The following LPCAT2 variants were observed in gnomAD, a reference collection of about 807,000 sequenced individuals.
The protein encoded by LPCAT2 is lysophosphatidylcholine acyltransferase 2.
A neutral mutation model predicts 64.7 loss-of-function variants in LPCAT2; 58 were observed. The ratio of observed to expected loss-of-function variants is 0.90; its 90% confidence interval spans 0.73 to 1.12. The LOEUF is 1.12. LPCAT2 is among the 50% of genes most tolerant of loss of function. LPCAT2 has a pLI of 0.00. For missense variants in LPCAT2, 579 were observed against 669.8 expected, an observed-to-expected ratio of 0.86 and a Z score of 1.50; for synonymous variants, 252 against 245.3, an observed-to-expected ratio of 1.03 and a Z score of -0.26.
At chr16:55,580,369 C>A (rs547046725) in intron 13 of LPCAT2, among the ~76,000 whole-genome samples, 6 of 152,098 alleles carry the variant, frequency 3.9e-5, no homozygotes, top group Non-Finnish European at 5.9e-5. Flanking sequence ...GACTATTACT[C>A]CAAACTACTA....
chr16:55,541,959 T>G, intron 8 of LPCAT2: 1 of 1,235,576 alleles, frequency 8.1e-7, no homozygotes, highest in South Asian at 1.3e-5. Context: ...ACTGCACATT[T>G]GTTAAGATTG....
chr16:55,530,284 T>C (rs1427134495), intron 4 of LPCAT2, among the ~76,000 whole-genome samples: 1 of 152,154 alleles, frequency 6.6e-6, no homozygotes, highest in Non-Finnish European at 1.5e-5. Context: ...ACCATTATAC[T>C]AAAGTATCTC....
intron 11 of LPCAT2, among the ~76,000 whole-genome samples, chr16:55,570,239 T>C (rs1963754356): frequency 6.6e-6 from 1 of 152,232 alleles, no homozygotes; most frequent in African/African-American, 2.4e-5. Flanking sequence ...AAAATTTTTA[T>C]GTGATCTTAA....
At chr16:55,535,910 T>G (rs2142386435) in intron 7 of LPCAT2, among the ~76,000 whole-genome samples, 2 of 152,264 alleles carry the variant, frequency 1.3e-5, no homozygotes, top group Middle Eastern at 6.8e-3. Context: ...ATAGACGGGT[T>G]TAGTTAATCT....
chr16:55,550,929 A>C lies in LPCAT2; in HGVS notation c.1062-20A>C. 6.4e-7 allele frequency: 1 copy of C among 1,555,416 alleles called. No individual in the cohort carries two copies. The highest frequency in any genetic ancestry group is 1.4e-5 in the African/African-American group (1 of 73,972). ...TGTAAAGGGCTAATAACATGTATCT[A>C]TAATTCTTTGTTTGTTTAGATTAGA... On this transcript the variant is annotated intron_variant, in intron 10 of 13. Transcript: ENST00000262134.
chr16:55,531,284 C>G (rs900514125), intron 4 of LPCAT2, among the ~76,000 whole-genome samples: 41 of 152,156 alleles, frequency 2.7e-4, no homozygotes, highest in African/African-American at 9.6e-4. Flanking sequence ...ATTTTAAAAG[C>G]ATCAGAAAAT....
intron 11 of LPCAT2, among the ~76,000 whole-genome samples, chr16:55,565,134 A>T (rs763380640): frequency 8.5e-5 from 13 of 152,080 alleles, no homozygotes; most frequent in Non-Finnish European, 1.9e-4. Context: ...AATGCAAATC[A>T]AAACTACAAT....
At chr16:55,567,146 C>T in intron 11 of LPCAT2, 1 of 1,613,856 alleles carries the variant, frequency 6.2e-7, no homozygotes, top group Non-Finnish European at 8.5e-7. Flanking sequence ...TTGTGTCTGT[C>T]ATGGACAGTG....
chr16:55,582,152 C>T (rs772479488), intron 13 of LPCAT2, among the ~76,000 whole-genome samples: 14 of 152,174 alleles, frequency 9.2e-5, no homozygotes, highest in South Asian at 2.1e-4. Flanking sequence ...ATATAAAGCA[C>T]AACGAAGTTT....
chr16:55,557,044 C>G (rs1047710945), intron 11 of LPCAT2: 2 of 151,968 alleles, frequency 1.3e-5, no homozygotes, highest in Admixed American at 1.3e-4. Flanking sequence ...AATTGTGGGG[C>G]TTTTTTTGAT....
intron 11 of LPCAT2, among the ~76,000 whole-genome samples, chr16:55,570,223 A>G (rs1321474556): frequency 6.6e-6 from 1 of 152,176 alleles, no homozygotes; most frequent in African/African-American, 2.4e-5. Flanking sequence ...ACTACCAGAA[A>G]CATTCAAAAT....
chr16:55,564,615 A>G (rs755951049), intron 11 of LPCAT2, among the ~76,000 whole-genome samples: 15 of 152,038 alleles, frequency 9.9e-5, no homozygotes, highest in Admixed American at 5.2e-4. Flanking sequence ...TTTTCAACAA[A>G]TAGTGCTGGG....
At chr16:55,580,633 G>A (rs1429325383) in intron 13 of LPCAT2, among the ~76,000 whole-genome samples, 1 of 152,074 alleles carries the variant, frequency 6.6e-6, no homozygotes, top group Non-Finnish European at 1.5e-5. Flanking sequence ...ATTGATAAAT[G>A]TCATGAATGT....
chr16:55,576,194 T>TG (rs1280568152), intron 12 of LPCAT2, among the ~76,000 whole-genome samples: 1 of 151,878 alleles, frequency 6.6e-6, no homozygotes, highest in East Asian at 1.9e-4. Context: ...GCTTTTTTTT[T>TG]TTTTCAGTAA....
chr16:55,541,220 A>G (rs1963392349), intron 8 of LPCAT2: 1 of 152,152 alleles, frequency 6.6e-6, no homozygotes, highest in Non-Finnish European at 1.5e-5. Context: ...TAGTGAGCTT[A>G]TAGTGGCTAG....
At chr16:55,560,363 T>C (rs1217919761) in intron 11 of LPCAT2, among the ~76,000 whole-genome samples, 1 of 152,080 alleles carries the variant, frequency 6.6e-6, no homozygotes, top group African/African-American at 2.4e-5. Flanking sequence ...AAGTGGGAGT[T>C]GTGAGTCCTT....
chr16:55,555,463 C>G (rs1501996), intron 11 of LPCAT2, among the ~76,000 whole-genome samples: 13,265 of 152,142 alleles, frequency 0.087, 828 homozygotes, highest in African/African-American at 0.17. Context: ...GCTAAAGATT[C>G]CATCCATCTT....
intron 1 of LPCAT2, among the ~76,000 whole-genome samples, chr16:55,509,565 G>C (rs1409313538): frequency 6.6e-6 from 1 of 150,652 alleles, no homozygotes; most frequent in Admixed American, 6.6e-5. Context: ...AGGGGAGCCA[G>C]GGTCTGGGGC....
chr16:55,553,027 G>A (rs1963534853), intron 11 of LPCAT2, among the ~76,000 whole-genome samples: 1 of 128,574 alleles, frequency 7.8e-6, no homozygotes, highest in Non-Finnish European at 1.7e-5. Flanking sequence ...CCTGAGGTCA[G>A]GAATTTGAGA....
Sources: gnomAD v4.1 joint callset for allele counts (sites outside exome capture counted in the v4.1 genomes callset) on GRCh38, gnomAD v4.1.1 for gene constraint, MANE v1.5 for transcripts, NCBI Gene and HGNC (gene_info 2026-07-23, HGNC 2026-07-21) for gene names.